COL17A1: variants seen among roughly 807,000 people sequenced by gnomAD.
COL17A1 encodes collagen alpha-1(XVII) chain.
In COL17A1, 181 loss-of-function variants were observed where a neutral mutation model predicts 218.4. The observed-to-expected ratio is 0.83, with a 90% CI of 0.73 to 0.94. The LOEUF (loss-of-function observed/expected upper bound fraction) is 0.94. COL17A1 is among the 40% of genes least tolerant of loss of function. The probability of loss-of-function intolerance (pLI) is 0.00; values close to 1 mark genes in which losing one functional copy is unlikely to be tolerated. For missense variants in COL17A1, 1,924 were observed against 1,945.9 expected (o/e 0.99, Z 0.21); for synonymous variants, 721 against 731.0 (o/e 0.99, Z 0.22).
In COL17A1 at chr10:104,034,077, C is replaced by A; in HGVS notation, c.4024G>T (p.Gly1342Cys). ...GCTGCCCCATAGCCTCCGCCTGGGC[C>A]GATGTCAGTGCCATAGGGACCCCTG... ...GDRGPYGTDI[G>C]PGGGYGAAAE... Residue 1342 changes from glycine to cysteine, a missense_variant, in exon 52 of 56, where the codon GGC becomes TGC. Physicochemically the swap from Gly to Cys is radical, Grantham distance 159. Coordinates refer to ENST00000648076, the MANE Select transcript of COL17A1 (RefSeq NM_000494.4). 1 of 1,614,122 alleles carries A rather than the reference C, an allele frequency of 6.2e-7. No homozygotes were observed. The highest frequency in any genetic ancestry group is 8.5e-7 in the Non-Finnish European group (1 of 1,180,038).
chr10:104,061,005 G>C (rs895861730), intron 13 of COL17A1, among the ~76,000 whole-genome samples: 1 of 152,216 alleles, frequency 6.6e-6, no homozygotes, highest in Non-Finnish European at 1.5e-5. Flanking sequence ...GTATGGTGCT[G>C]AAATATGTGG....
intron 15 of COL17A1, chr10:104,059,408 T>A: frequency 1.7e-6 from 1 of 587,594 alleles, no homozygotes; most frequent in Non-Finnish European, 3.1e-6. Context: ...AGAGGCAGGC[T>A]TTTGCTTCAG....
chr10:104,061,395 C>G lies in COL17A1; in HGVS notation c.979+10G>C, dbSNP rs1299417158. ...CAGCCTGAACCCTGGCAGCTGGGAGCAGCACTCACCGGCGGAGGTGGAAAC... is the reference window on the plus strand; with the variant it reads ...CAGCCTGAACCCTGGCAGCTGGGAGGAGCACTCACCGGCGGAGGTGGAAAC... On this transcript the variant is annotated intron_variant, in intron 13 of 55. Transcript: ENST00000648076. 1.2e-6 allele frequency: 2 copies of G among 1,612,682 alleles called. No homozygotes were observed. The highest frequency in any genetic ancestry group is 1.7e-4 in the Middle Eastern group (1 of 5,894).
intron 16 of COL17A1, 141 bp from the exon 17 acceptor site, chr10:104,057,313 A>T: frequency 3.7e-6 from 5 of 1,355,900 alleles, no homozygotes; most frequent in Non-Finnish European, 5.2e-6. Context: ...CACCCAGGAC[A>T]GGGCTGGCTC....
At chr10:104,055,425 G>A (rs1375592974) in intron 18 of COL17A1, 24 bp from the exon 19 acceptor site, 14 of 1,589,424 alleles carry the variant, frequency 8.8e-6, no homozygotes, top group Non-Finnish European at 1.1e-5. Context: ...CAAATCCTGA[G>A]TCAGCTTCAC....
chr10:104,047,260 G>A lies in COL17A1; in HGVS notation c.2335+479C>T, dbSNP rs115156201. 9.0e-3 allele frequency among the ~76,000 whole-genome samples: 1,371 copies of A among 152,066 alleles called. 26 individuals carry two copies. The highest frequency in any genetic ancestry group is 0.031 in the African/African-American group (1,287 of 41,470). On this transcript the variant is annotated intron_variant, in intron 31 of 55. Transcript: ENST00000648076. ...CCTGAGAAGTTTGCTCTTTGCTCTCGGTGGAGACTCTAACAATGGCTTCCT... is the reference window on the plus strand; with the variant it reads ...CCTGAGAAGTTTGCTCTTTGCTCTCAGTGGAGACTCTAACAATGGCTTCCT...
rs121912770 is a variant in COL17A1 at position 104,038,409 on chromosome 10, G to A, written c.3067C>T (p.Gln1023Ter). The change falls in exon 45 of 56, where the codon CAG becomes TAG. Residue 1023 changes from glutamine to a stop codon, truncating the protein, a stop_gained. Transcript: ENST00000648076. LOFTEE classifies it high-confidence loss of function. ...EIQQYISEYM[Q>*]SDSIRSYLSG... ...CTTGCGGCGGCCAGCTACTCACTCT[G>A]CATGTACTCAGAGATGTACTGCTGA... is the stretch of plus-strand genomic sequence containing the variant. 1.9e-6 allele frequency: 3 copies of A among 1,613,828 alleles called. No individual in the cohort carries two copies. The South Asian group carries it at 3.3e-5, about 18-fold the overall frequency.
chr10:104,033,899 C>A, intron 52 of COL17A1, 46 bp downstream of exon 52: 1 of 1,613,252 alleles, frequency 6.2e-7, no homozygotes, highest in Non-Finnish European at 8.5e-7. Context: ...GGAGATGCTC[C>A]CACGCTCCTT....
chr10:104,083,464 G>A (rs749918053), intron 1 of COL17A1, among the ~76,000 whole-genome samples: 16 of 152,154 alleles, frequency 1.1e-4, no homozygotes, highest in Non-Finnish European at 7.3e-5. Context: ...TCCATCCATA[G>A]TTCTAAAGGG....
At chr10:104,059,570 C>T (rs753304642) in intron 15 of COL17A1, 68 bp downstream of exon 15, 1 of 1,447,822 alleles carries the variant, frequency 6.9e-7, no homozygotes, top group African/African-American at 1.4e-5. Flanking sequence ...AGCAAGGTCT[C>T]CGAAGACAAT....
chr10:104,035,794 A>ATGGGAG (rs2086275256), intron 48 of COL17A1, among the ~76,000 whole-genome samples: 1 of 27,404 alleles, frequency 3.6e-5, no homozygotes, highest in African/African-American at 1.1e-4. Flanking sequence ...GTGTGTGTGT[A>ATGGGAG]TGAGTATGTG....
chr10:104,042,789 A>C (rs2086373216), intron 35 of COL17A1, among the ~76,000 whole-genome samples: 1 of 152,208 alleles, frequency 6.6e-6, no homozygotes, highest in South Asian at 2.1e-4. Context: ...TAAGTTGTGT[A>C]CTTCATTTGT....
chr10:104,077,699 TTTTTGTTTTG>T lies in COL17A1; in HGVS notation c.98-183_98-174del, dbSNP rs57572186. On this transcript the variant is annotated intron_variant, in intron 3 of 55. Transcript: ENST00000648076. ...GCTGCCATGCTCCAGTTTCGTTGGTTTTTTGTTTTGTTTTGTTTTGTTTTGTTTTGTTTTG... is the reference window on the plus strand; with the variant it reads ...GCTGCCATGCTCCAGTTTCGTTGGTTTTTTGTTTTGTTTTGTTTTGTTTTG... Among the ~76,000 whole-genome samples, 134,962 of 151,510 alleles carry T rather than the reference TTTTTGTTTTG, an allele frequency of 0.89. 61,605 individuals are homozygous for T. Among genetic ancestry groups the T allele is most frequent in the Non-Finnish European group, 0.99 (67,498 of 67,910 alleles).
intron 52 of COL17A1, among the ~76,000 whole-genome samples, chr10:104,033,590 G>T (rs774641631): frequency 4.6e-5 from 7 of 152,218 alleles, no homozygotes; most frequent in Non-Finnish European, 8.8e-5. Flanking sequence ...TGTTGACTGC[G>T]TAACTGTGCC....
intron 7 of COL17A1, 22 bp from the exon 8 acceptor site, chr10:104,072,101 G>A: frequency 6.2e-7 from 1 of 1,614,082 alleles, no homozygotes; most frequent in Non-Finnish European, 8.5e-7. Flanking sequence ...AAGAGATAGA[G>A]AAGGGTGTGA....
Position 104,041,398 on chromosome 10 carries a change from C to T in COL17A1, c.2606-54G>A, listed in dbSNP as rs1053779826. 3 of 1,602,910 alleles carry T rather than the reference C, an allele frequency of 1.9e-6. No individual in the cohort carries two copies. In the African/African-American group the frequency reaches 4.0e-5, roughly 22 times the overall value. On this transcript the variant is annotated intron_variant, in intron 37 of 55. Transcript: ENST00000648076. ...GCTGAGCTCAGGGAGCTGATGCCAC[C>T]CCTGAGGATCTTGGCTTCCTCACTA...
At chr10:104,055,472 A>G (rs2086513251) in intron 18 of COL17A1, 71 bp from the exon 19 acceptor site, 1 of 1,505,554 alleles carries the variant, frequency 6.6e-7, no homozygotes, top group Non-Finnish European at 9.2e-7. Flanking sequence ...ACACACACAC[A>G]CACACACACA....
intron 9 of COL17A1, among the ~76,000 whole-genome samples, chr10:104,065,473 A>G (rs888207681): frequency 3.3e-5 from 5 of 152,200 alleles, no homozygotes; most frequent in Admixed American, 3.3e-4. Context: ...TGACTGGGAC[A>G]TGTTGGTTTT....
At chr10:104,084,312 A>ATTT (rs199699283) in intron 1 of COL17A1, among the ~76,000 whole-genome samples, 1 of 140,066 alleles carries the variant, frequency 7.1e-6, no homozygotes, top group Non-Finnish European at 1.6e-5. Flanking sequence ...TTTTTTTCCT[A>ATTT]TTTTTTTTTT....
Sources: allele counts gnomAD v4.1 joint callset (sites outside exome capture counted in the v4.1 genomes callset), GRCh38; gene constraint gnomAD v4.1.1; transcripts MANE v1.5; gene names NCBI Gene and HGNC (gene_info 2026-07-23, HGNC 2026-07-21).